The following GRIP1 variants were observed in gnomAD, a reference collection of about 807,000 sequenced individuals.
The protein encoded by GRIP1 is glutamate receptor interacting protein 1, also known as glutamate receptor-interacting protein 1.
Under a neutral mutation model 129.9 loss-of-function variants are expected in GRIP1, and 45 were observed. That is an observed-to-expected ratio of 0.35 (90% CI 0.27 to 0.44). GRIP1 has a LOEUF of 0.44. GRIP1 is among the 20% of genes least tolerant of loss of function. GRIP1 has a pLI of 1.00. For synonymous variants in GRIP1, 530 were observed against 520.8 expected (o/e 1.02, Z -0.24); for missense variants, 1,196 against 1,396.8 (o/e 0.86, Z 2.29).
chr12:66,503,389 C>T lies in GRIP1; in HGVS notation c.724+12230G>A, dbSNP rs145868738. On this transcript the variant is annotated intron_variant, in intron 7 of 24. Transcript: ENST00000359742. ...GGAGGGCACATGCAGGCAGCCCACC[C>T]TAAGGGAGAAATCGTGGGAAAGAGG... Among the ~76,000 whole-genome samples the T allele has an allele frequency of 6.7e-4, 102 of 152,230 alleles. 1 individual carries two copies. In the East Asian group the frequency reaches 0.018, roughly 27 times the overall value.
At chr12:66,631,820 A>G (rs2030821163) in intron 1 of GRIP1, among the ~76,000 whole-genome samples, 1 of 152,246 alleles carries the variant, frequency 6.6e-6, no homozygotes, top group African/African-American at 2.4e-5. Context: ...TTAACGTGAC[A>G]GAACTAGAGC....
chr12:66,948,638 A>T (rs1316413502), intron 1 of GRIP1, among the ~76,000 whole-genome samples: 1 of 152,186 alleles, frequency 6.6e-6, no homozygotes, highest in Admixed American at 6.5e-5. Context: ...TAAATATGGC[A>T]CACAGGAAAC....
intron 1 of GRIP1, among the ~76,000 whole-genome samples, chr12:66,684,637 G>C (rs749235722): frequency 3.3e-5 from 5 of 152,142 alleles, no homozygotes; most frequent in Non-Finnish European, 5.9e-5. Context: ...TTGAGGTCAG[G>C]AGTTCAAGAC....
At chr12:67,027,281 C>T (rs747069653) in intron 1 of GRIP1, among the ~76,000 whole-genome samples, 6 of 152,188 alleles carry the variant, frequency 3.9e-5, no homozygotes, top group Non-Finnish European at 8.8e-5. Flanking sequence ...GATGTGGCAC[C>T]CACACTGAGA....
At chr12:66,466,035 A>G (rs2059277336) in intron 7 of GRIP1, among the ~76,000 whole-genome samples, 1 of 152,180 alleles carries the variant, frequency 6.6e-6, no homozygotes, top group African/African-American at 2.4e-5. Flanking sequence ...AAGTAGTAGG[A>G]ATGTTACACT....
At chr12:66,366,220 T>C (rs946224100) in intron 23 of GRIP1, among the ~76,000 whole-genome samples, 2 of 152,204 alleles carry the variant, frequency 1.3e-5, no homozygotes, top group Non-Finnish European at 2.9e-5. Context: ...CTCCAAATAT[T>C]TGTGAAGAAA....
chr12:66,419,777 T>C (rs2057739385), intron 15 of GRIP1, among the ~76,000 whole-genome samples: 1 of 152,170 alleles, frequency 6.6e-6, no homozygotes, highest in Non-Finnish European at 1.5e-5. Context: ...ACTCACACAA[T>C]GTCCTTCCTA....
intron 1 of GRIP1, among the ~76,000 whole-genome samples, chr12:66,803,084 C>T (rs1213021801): frequency 6.6e-6 from 1 of 152,124 alleles, no homozygotes. Context: ...GCTTTCAATA[C>T]CACAGAAATT....
intron 1 of GRIP1, among the ~76,000 whole-genome samples, chr12:67,057,460 T>A (rs969178550): frequency 6.7e-6 from 1 of 148,846 alleles, no homozygotes; most frequent in Non-Finnish European, 1.5e-5. Flanking sequence ...AAAAAACTCC[T>A]GTTGTTTAAG....
chr12:67,040,069 C>A (rs2043152874), intron 1 of GRIP1, among the ~76,000 whole-genome samples: 1 of 152,118 alleles, frequency 6.6e-6, no homozygotes, highest in Non-Finnish European at 1.5e-5. Flanking sequence ...TAACTGACAG[C>A]CTCTACGCTG....
chr12:66,991,601 C>A (rs74855275), intron 1 of GRIP1, among the ~76,000 whole-genome samples: 5,542 of 152,190 alleles, frequency 0.036, 281 homozygotes, highest in African/African-American at 0.12. Context: ...ATAGAGAAAA[C>A]TTGGGCACAG....
Position 66,445,402 on chromosome 12 carries a change from C to A in GRIP1, c.1461G>T (p.Leu487=). ...TTTCTGTGGCAAACACACTGCCCTG[C>A]AGTTGGATCCCAAATCCTGTGACAG... The part of the protein sequence containing the change: ...ADPVTGFGIQ[L]QGSVFATETL... Residue 487 remains leucine (L), a synonymous_variant, in exon 12 of 25, where the codon CTG becomes CTT. Transcript: ENST00000359742. The A allele has an allele frequency of 6.2e-7, 1 of 1,614,126 alleles. No individual in the cohort carries two copies. Among genetic ancestry groups the A allele is most frequent in the Non-Finnish European group, 8.5e-7 (1 of 1,179,944 alleles).
Position 66,723,311 on chromosome 12 carries a change from T to C in GRIP1, c.-420+80742A>G, listed in dbSNP as rs1366369638. Among the ~76,000 whole-genome samples the C allele has an allele frequency of 1.9e-3, 130 of 69,250 alleles. 10 individuals carry two copies. The highest frequency in any genetic ancestry group is 2.4e-3 in the African/African-American group (34 of 14,034). The allele number at this position is 69,250 out of a possible 152,430, so 45.4% of individuals were successfully genotyped here. On this transcript the variant is annotated intron_variant, in intron 1 of 4. Transcript: ENST00000538373. ...TTCTTTCTTTCTTTCTTTCTTTTTT[T>C]TTTTTTTTTTTTTTTTTTTGAGACA... is the stretch of plus-strand genomic sequence containing the variant.
upstream of GRIP1, among the ~76,000 whole-genome samples, chr12:66,806,799 A>AT (rs60559989): frequency 0.24 from 35,414 of 145,720 alleles, 4,184 homozygotes; most frequent in East Asian, 0.44. Flanking sequence ...ATAAGCACCT[A>AT]TTTTTTTTTT....
At chr12:66,398,256 T>C (rs75580937) in intron 16 of GRIP1, among the ~76,000 whole-genome samples, 3,581 of 152,130 alleles carry the variant, frequency 0.024, 221 homozygotes, top group African/African-American at 0.083. Context: ...AATCTGAATA[T>C]GTTACTCTCT....
chr12:66,447,263 G>A (rs917648601), intron 11 of GRIP1, among the ~76,000 whole-genome samples: 3 of 152,068 alleles, frequency 2.0e-5, no homozygotes, highest in African/African-American at 7.2e-5. Context: ...AAACCTCATG[G>A]GATTTTCCTA....
intron 1 of GRIP1, chr12:66,630,347 GA>G (rs796898208): frequency 0.024 from 3,365 of 142,332 alleles, 118 homozygotes; most frequent in African/African-American, 0.078. Context: ...CTGTGTCAAG[GA>G]AAAAAAAAAA....
At chr12:66,903,184 T>C (rs2040871024) in intron 1 of GRIP1, among the ~76,000 whole-genome samples, 1 of 152,174 alleles carries the variant, frequency 6.6e-6, no homozygotes, top group African/African-American at 2.4e-5. Flanking sequence ...CAAAAAAGCA[T>C]TAAAAAAATT....
At chr12:66,686,920 C>T (rs556346258) in intron 1 of GRIP1, among the ~76,000 whole-genome samples, 78 of 151,998 alleles carry the variant, frequency 5.1e-4, no homozygotes, top group African/African-American at 1.7e-3. Flanking sequence ...TCAGCAGGCT[C>T]ATGTGATGGC....
Sources: gnomAD v4.1 joint callset for allele counts (sites outside exome capture counted in the v4.1 genomes callset) on GRCh38, gnomAD v4.1.1 for gene constraint, MANE v1.5 for transcripts, NCBI Gene and HGNC (gene_info 2026-07-23, HGNC 2026-07-21) for gene names.